PRDM16: variants seen among roughly 807,000 people sequenced by gnomAD.
PRDM16 encodes the protein histone-lysine N-methyltransferase PRDM16.
PRDM16 carries 23 observed loss-of-function variants against 110.6 expected under a neutral mutation model. That is an observed-to-expected ratio of 0.21 (90% confidence interval 0.15 to 0.29). The LOEUF is 0.29. Among genes scored for constraint, PRDM16 ranks in the 10% least tolerant of loss-of-function variants. The pLI is 1.00. For synonymous variants in PRDM16, 799 were observed against 781.8 expected (o/e 1.02, Z -0.37); for missense variants, 1,615 against 1,794.3 (o/e 0.90, Z 1.81).
rs551528333 is a variant in PRDM16, at chr1:3,089,469, G to C, written c.37+20173G>C. Among the ~76,000 whole-genome samples the C allele has an allele frequency of 2.6e-5, 4 of 152,368 alleles. No homozygotes were observed. The South Asian group carries it at 8.3e-4, about 32-fold the overall frequency. On this transcript the variant is annotated intron_variant, in intron 1 of 16. Coordinates refer to ENST00000270722, the MANE Select transcript of PRDM16 (RefSeq NM_022114.4). ...GAGCTGGTTAGCAGGAGGCGGAAGCGGGTGGAAACTTCTCAGAGCACAGTA... is the reference window on the plus strand; with the variant it reads ...GAGCTGGTTAGCAGGAGGCGGAAGCCGGTGGAAACTTCTCAGAGCACAGTA...
chr1:3,196,170 G>A (rs1423736340), intron 2 of PRDM16, among the ~76,000 whole-genome samples: 4 of 152,214 alleles, frequency 2.6e-5, no homozygotes, highest in South Asian at 4.1e-4. Context: ...CAGCAGGGGC[G>A]GCAGCTGGGC....
intron 8 of PRDM16, among the ~76,000 whole-genome samples, chr1:3,406,207 A>G (rs1643559190): frequency 6.6e-6 from 1 of 152,156 alleles, no homozygotes; most frequent in Non-Finnish European, 1.5e-5. Flanking sequence ...CAGGCAAGCC[A>G]GACAAGCAAG....
At position 3,206,818 on chromosome 1, in the gene PRDM16, T is replaced by TC. The variant is rs1638763229; in HGVS notation, c.387+20346dup. The TC allele has an allele frequency of 6.6e-6, 1 of 152,112 alleles. No homozygotes were observed. The highest frequency in any genetic ancestry group is 2.4e-5 in the African/African-American group (1 of 41,388). 9.4% of individuals were successfully genotyped at this position (152,112 alleles called of 1,614,324 possible). A position where few individuals can be genotyped will look rare whatever the true frequency, so the allele number is the denominator to read the frequency against. ...CAGCTGGCCCAAGGCTGGTCAAGAA[T>TC]CCGAGTTTTCTGCAGAGGGAGACAC... is the stretch of plus-strand genomic sequence containing the variant. On this transcript the variant is annotated intron_variant, in intron 2 of 16. Coordinates refer to ENST00000270722, the MANE Select transcript of PRDM16 (RefSeq NM_022114.4). This position sits in a 1 kb window ranked among gnomAD's most constrained non-coding sequence, Gnocchi z 4.9.
Position 3,412,265 on chromosome 1 carries a change from G to A in PRDM16, c.2068G>A (p.Gly690Arg), listed in dbSNP as rs1408714731. 10 of 1,612,574 alleles carry A rather than the reference G, an allele frequency of 6.2e-6. No homozygotes were observed. Among genetic ancestry groups the A allele is most frequent in the Admixed American group, 1.7e-5 (1 of 59,988 alleles). The stretch of plus-strand genomic sequence containing the variant: ...GCTGCTGACTGCAACGGGCGCCGCC[G>A]GGGACTCCATCAAGGCCATCGCATC... ...EQLLTATGAA[G>R]DSIKAIASIA... The change falls in exon 9 of 17, where the codon GGG becomes AGG. Residue 690 changes from glycine to arginine, a missense_variant. Physicochemically the swap from Gly to Arg is moderately radical, Grantham distance 125. Coordinates refer to ENST00000270722, the MANE Select transcript of PRDM16 (RefSeq NM_022114.4).
In PRDM16 at chr1:3,412,116, G is replaced by A; in HGVS notation, c.1919G>A (p.Gly640Asp). 6.4e-7 allele frequency: 1 copy of A among 1,572,576 alleles called. No homozygotes were observed. Among genetic ancestry groups the A allele is most frequent in the Non-Finnish European group, 8.6e-7 (1 of 1,159,022 alleles). Residue 640 changes from glycine to aspartate, a missense_variant, in exon 9 of 17, where the codon GGC becomes GAC. Gly to Asp is a moderately conservative substitution (Grantham distance 94). Around this residue, in one of 5 missense-constraint regions of PRDM16, gnomAD observed 772 missense variants for 748.3 expected, o/e 1.03. Transcript: ENST00000270722. ...GACCCTGACAAGGACAAGGGCAAGG[G>A]CAAGTCCGCCGAGGGCCAGCCCAAG... is the stretch of plus-strand genomic sequence containing the variant. ...DSDPDKDKGK[G>D]KSAEGQPKFG...
chr1:3,196,158 T>C (rs1461796240), intron 2 of PRDM16, among the ~76,000 whole-genome samples: 1 of 152,186 alleles, frequency 6.6e-6, no homozygotes, highest in Non-Finnish European at 1.5e-5. Flanking sequence ...ACAGGTGAGC[T>C]CCAGCAGGGG....
At chr1:3,334,185 C>A (rs866397523) in intron 3 of PRDM16, among the ~76,000 whole-genome samples, 1 of 152,156 alleles carries the variant, frequency 6.6e-6, no homozygotes, top group African/African-American at 2.4e-5. Context: ...ACCCCGAGGA[C>A]GAGTGTTTAC....
chr1:3,377,912 A>G (rs1280721054), intron 3 of PRDM16, among the ~76,000 whole-genome samples: 2 of 152,120 alleles, frequency 1.3e-5, no homozygotes, highest in Non-Finnish European at 2.9e-5. Flanking sequence ...CTGGCCTCCT[A>G]TGTCACGGAG....
chr1:3,165,519 T>C (rs1259905475), intron 1 of PRDM16, among the ~76,000 whole-genome samples: 8 of 112,096 alleles, frequency 7.1e-5, no homozygotes, highest in African/African-American at 2.6e-4. Flanking sequence ...TCACCTGGGC[T>C]CAGGGACAGT....
At chr1:3,096,668 C>T (rs896648840) in intron 1 of PRDM16, among the ~76,000 whole-genome samples, 2 of 152,150 alleles carry the variant, frequency 1.3e-5, no homozygotes, top group African/African-American at 2.4e-5. Context: ...CCTGGACCAG[C>T]GAGGAAGACG....
At chr1:3,092,080 G>T (rs930653032) in intron 1 of PRDM16, among the ~76,000 whole-genome samples, 12 of 152,034 alleles carry the variant, frequency 7.9e-5, no homozygotes, top group African/African-American at 2.7e-4. Flanking sequence ...ACGCAGGATC[G>T]CAGGATGCTC....
At chr1:3,329,138 A>G (rs1416963678) in intron 3 of PRDM16, among the ~76,000 whole-genome samples, 4 of 152,196 alleles carry the variant, frequency 2.6e-5, no homozygotes, top group Admixed American at 2.0e-4. Context: ...TGCCCAGGGA[A>G]GGCACCAACC....
chr1:3,360,936 C>T (rs1642701101), intron 3 of PRDM16, among the ~76,000 whole-genome samples: 1 of 152,196 alleles, frequency 6.6e-6, no homozygotes, highest in Admixed American at 6.5e-5. Context: ...TGCCGTCCCG[C>T]GGCGGGAACG....
intron 5 of PRDM16, among the ~76,000 whole-genome samples, chr1:3,399,618 T>C (rs1296556474): frequency 3.9e-5 from 6 of 152,164 alleles, no homozygotes; most frequent in African/African-American, 1.2e-4. Context: ...TGAAGTCGGC[T>C]CCATCACGTC....
At chr1:3,240,035 G>GA (rs1639626110) in intron 2 of PRDM16, among the ~76,000 whole-genome samples, 1 of 107,832 alleles carries the variant, frequency 9.3e-6, no homozygotes, top group South Asian at 3.7e-4. Context: ...AAGAGGAGAG[G>GA]AGAAGAGGAG....
Position 3,209,214 on chromosome 1 carries a change from A to G in PRDM16, c.387+22740A>G, listed in dbSNP as rs1638822935. ...TTAATCATTTATTTGGTAAAGGCCC[A>G]TGACTGAGTGGAAAAGCAACAAGAA... On this transcript the variant is annotated intron_variant, in intron 2 of 16. Transcript: ENST00000270722. This position sits in a 1 kb window ranked among gnomAD's most constrained non-coding sequence, Gnocchi z 4.6. 6.6e-6 allele frequency among the ~76,000 whole-genome samples: 1 copy of G among 152,244 alleles called. No individual in the cohort carries two copies. The highest frequency in any genetic ancestry group is 1.5e-5 in the Non-Finnish European group (1 of 68,036).
intron 3 of PRDM16, among the ~76,000 whole-genome samples, chr1:3,281,233 A>T (rs570533409): frequency 3.9e-5 from 6 of 152,304 alleles, no homozygotes; most frequent in Non-Finnish European, 7.3e-5. Flanking sequence ...CTACCTGAGA[A>T]CGCAGCTGTG....
chr1:3,345,178 G>C (rs2100521094), intron 3 of PRDM16, among the ~76,000 whole-genome samples: 1 of 152,354 alleles, frequency 6.6e-6, no homozygotes, highest in East Asian at 1.9e-4. Flanking sequence ...ATACCTGGAG[G>C]ACAGTGGCCC....
intron 12 of PRDM16, among the ~76,000 whole-genome samples, chr1:3,421,933 C>A (rs1025353296): frequency 1.1e-4 from 6 of 53,596 alleles, no homozygotes; most frequent in South Asian, 2.1e-3. Context: ...GACAGGCAGG[C>A]AGACAGACAG....
Sources: gnomAD v4.1 joint callset for allele counts (sites outside exome capture counted in the v4.1 genomes callset) on GRCh38, gnomAD v4.1.1 for gene constraint, gnomAD v4.1.1 regional missense constraint, Gnocchi (gnomAD v3.1) non-coding constraint, MANE v1.5 for transcripts, NCBI Gene and HGNC (gene_info 2026-07-23, HGNC 2026-07-21) for gene names.